The following KIZ variants were observed in gnomAD, a reference collection of about 807,000 sequenced individuals.
The protein encoded by KIZ is centrosomal protein kizuna.
KIZ carries 68 observed loss-of-function variants against 79.6 expected under a neutral mutation model. The observed-to-expected ratio is 0.85, with a 90% CI of 0.70 to 1.05. The LOEUF is 1.05. Ranked by LOEUF, KIZ falls within the 50% of genes least tolerant of loss-of-function variation. KIZ has a pLI of 0.00. For missense variants in KIZ, 797 were observed against 800.4 expected, an observed-to-expected ratio of 1.00 and a Z score of 0.05; for synonymous variants, 280 against 281.8, an observed-to-expected ratio of 0.99 and a Z score of 0.06.
At position 21,162,350 on chromosome 20, in the gene KIZ, T is replaced by C; in HGVS notation, c.885T>C (p.Ser295=). 1 of 1,613,928 alleles carries C rather than the reference T, an allele frequency of 6.2e-7. No individual in the cohort carries two copies. Among genetic ancestry groups the C allele is most frequent in the East Asian group, 2.2e-5 (1 of 44,868 alleles). The change falls in exon 5 of 13, where the codon AGT becomes AGC. Residue 295 remains serine (S), a synonymous_variant. Coordinates refer to ENST00000619189, the MANE Select transcript of KIZ (RefSeq NM_018474.6). ...GAACCACTGATTTAAAGTGTGACAG[T>C]TCCAGCGGATCAGAGGGAGAAATAC... The part of the protein sequence containing the change: ...ENRTTDLKCD[S]SSGSEGEILT...
chr20:21,163,172 A>T lies in KIZ; in HGVS notation c.1352+13A>T, dbSNP rs750552916. 1.8e-5 allele frequency: 26 copies of T among 1,477,750 alleles called. No homozygotes were observed. Among genetic ancestry groups the T allele is most frequent in the Admixed American group, 7.9e-5 (4 of 50,362 alleles). 91.5% of individuals were successfully genotyped at this position (1,477,750 alleles called of 1,614,324 possible). A position where few individuals can be genotyped will look rare whatever the true frequency, so the allele number is the denominator to read the frequency against. ...CACCAACAAGAGAGTAAGCCATTCA[A>T]TTTTTTTTTTCTACTGTTCTGTTTT... is the stretch of plus-strand genomic sequence containing the variant. On this transcript the variant is annotated intron_variant, in intron 6 of 12. Transcript: ENST00000619189.
At chr20:21,167,464 A>C (rs2033994095) in intron 6 of KIZ, among the ~76,000 whole-genome samples, 1 of 152,104 alleles carries the variant, frequency 6.6e-6, no homozygotes, top group Non-Finnish European at 1.5e-5. Flanking sequence ...CAGTAGTGGA[A>C]CATTATAGAC....
intron 6 of KIZ, among the ~76,000 whole-genome samples, chr20:21,187,768 T>TTCA (rs1292741056): frequency 1.3e-5 from 2 of 152,210 alleles, no homozygotes; most frequent in Non-Finnish European, 2.9e-5. Flanking sequence ...CAGATACCTT[T>TTCA]TCATCATCAT....
intron 11 of KIZ, among the ~76,000 whole-genome samples, chr20:21,240,284 C>T (rs2037170496): frequency 6.6e-6 from 1 of 152,032 alleles, no homozygotes; most frequent in African/African-American, 2.4e-5. Context: ...AGCACCATGC[C>T]TGGCTAATTT....
At chr20:21,185,570 C>T (rs1003301968) in intron 6 of KIZ, among the ~76,000 whole-genome samples, 5 of 151,616 alleles carry the variant, frequency 3.3e-5, no homozygotes, top group African/African-American at 4.8e-5. Flanking sequence ...CCACCACACC[C>T]GGCTAATTTT....
intron 6 of KIZ, chr20:21,193,941 C>T (rs1176690151): frequency 2.0e-5 from 3 of 151,678 alleles, no homozygotes; most frequent in African/African-American, 7.3e-5. Flanking sequence ...ACCAGCATGG[C>T]ACGTGTACAC....
intron 6 of KIZ, among the ~76,000 whole-genome samples, chr20:21,201,107 A>G (rs1368813665): frequency 6.6e-6 from 1 of 152,106 alleles, no homozygotes; most frequent in Non-Finnish European, 1.5e-5. Flanking sequence ...TGAGTTCAGG[A>G]TGTTAAGGCT....
Position 21,204,110 on chromosome 20 carries a change from T to G in KIZ, c.1353-1381T>G, listed in dbSNP as rs974260629. 2.1e-3 allele frequency among the ~76,000 whole-genome samples: 259 copies of G among 125,372 alleles called. 2 individuals carry two copies. Among genetic ancestry groups the G allele is most frequent in the African/African-American group, 8.1e-3 (247 of 30,506 alleles). 82.2% of individuals were successfully genotyped at this position (125,372 alleles called of 152,430 possible). On this transcript the variant is annotated intron_variant, in intron 6 of 12. Transcript: ENST00000619189. The stretch of plus-strand genomic sequence containing the variant: ...TCCCCTTAAGAGTCATCTATGTTTT[T>G]TTTTTTTTTTTTTTTTTTTTTTTGA...
Position 21,205,503 on chromosome 20 carries a change from A to G in KIZ, c.1365A>G (p.Thr455=). ...TTCTGTTTTATAGACCTGGACAAAC[A>G]CCAGACTCAGACGTACCGAGGGCAC... The part of the protein sequence containing the change: ...TNAPTREPGQ[T]PDSDVPRAQV... The change falls in exon 7 of 13, where the codon ACA becomes ACG. Residue 455 remains threonine (T), a synonymous_variant. Transcript: ENST00000619189. 1.3e-6 allele frequency: 2 copies of G among 1,498,436 alleles called. No homozygotes were observed. Among genetic ancestry groups the G allele is most frequent in the Admixed American group, 1.8e-5 (1 of 55,150 alleles). 92.8% of individuals were successfully genotyped at this position (1,498,436 alleles called of 1,614,324 possible).
At chr20:21,179,074 C>T (rs535879733) in intron 6 of KIZ, among the ~76,000 whole-genome samples, 10 of 151,992 alleles carry the variant, frequency 6.6e-5, no homozygotes, top group Non-Finnish European at 1.0e-4. Flanking sequence ...CAGGGTAATG[C>T]GGGCCTAATA....
chr20:21,213,211 C>T (rs2036141807), intron 7 of KIZ, among the ~76,000 whole-genome samples: 1 of 152,184 alleles, frequency 6.6e-6, no homozygotes, highest in Non-Finnish European at 1.5e-5. Flanking sequence ...GTCTGAAATG[C>T]CAAACATGCA....
intron 6 of KIZ, among the ~76,000 whole-genome samples, chr20:21,175,682 C>T (rs1384412100): frequency 2.0e-5 from 3 of 152,296 alleles, no homozygotes; most frequent in Middle Eastern, 6.8e-3. Flanking sequence ...AACAATTATA[C>T]AACTGAATGA....
intron 9 of KIZ, among the ~76,000 whole-genome samples, chr20:21,219,859 A>C (rs539137664): frequency 1.2e-4 from 19 of 152,242 alleles, no homozygotes; most frequent in African/African-American, 4.3e-4. Context: ...GCTAATCGTT[A>C]TTATGGAGCA....
intron 4 of KIZ, among the ~76,000 whole-genome samples, chr20:21,149,887 C>T (rs1225724035): frequency 6.6e-6 from 1 of 152,152 alleles, no homozygotes; most frequent in Non-Finnish European, 1.5e-5. Context: ...CTGGGAAGGA[C>T]CCTAACACAA....
intron 6 of KIZ, among the ~76,000 whole-genome samples, chr20:21,204,826 G>A (rs1163979683): frequency 1.3e-5 from 2 of 152,164 alleles, no homozygotes; most frequent in East Asian, 3.8e-4. Flanking sequence ...ACTGTAAGTA[G>A]ACCATGGTAA....
intron 6 of KIZ, among the ~76,000 whole-genome samples, chr20:21,191,702 T>C (rs927920662): frequency 9.2e-5 from 14 of 152,130 alleles, no homozygotes; most frequent in African/African-American, 3.4e-4. Context: ...TTTGTACACA[T>C]GCTAAAAGAG....
chr20:21,207,232 C>T (rs2035861595), intron 7 of KIZ, among the ~76,000 whole-genome samples: 1 of 152,180 alleles, frequency 6.6e-6, no homozygotes, highest in African/African-American at 2.4e-5. Flanking sequence ...TGGCTTTGCC[C>T]CTCCAGCCTT....
intron 1 of KIZ, among the ~76,000 whole-genome samples, chr20:21,127,268 A>C (rs889319204): frequency 6.6e-6 from 1 of 152,128 alleles, no homozygotes; most frequent in African/African-American, 2.4e-5. Flanking sequence ...CCGCTCACCC[A>C]TATCAGTGAC....
chr20:21,166,106 A>G (rs2033919501), intron 6 of KIZ: 1 of 688,936 alleles, frequency 1.5e-6, no homozygotes, highest in Non-Finnish European at 2.4e-6. Flanking sequence ...AGCTGGGATT[A>G]CAGGCATGTG....
Sources: gnomAD v4.1 joint callset for allele counts (sites outside exome capture counted in the v4.1 genomes callset) on GRCh38, gnomAD v4.1.1 for gene constraint, MANE v1.5 for transcripts, NCBI Gene and HGNC (gene_info 2026-07-23, HGNC 2026-07-21) for gene names.